The following BMP1 variants were observed in gnomAD, a reference collection of about 807,000 sequenced individuals.
BMP1 encodes mammalian tolloid protein.
In BMP1, 63 loss-of-function variants were observed where a neutral mutation model predicts 116.8. The observed-to-expected ratio is 0.54, with a 90% confidence interval of 0.44 to 0.67. The LOEUF (loss-of-function observed/expected upper bound fraction) is 0.67. BMP1 is among the 30% of genes least tolerant of loss of function. BMP1 has a pLI of 0.00. For missense variants in BMP1, 1,183 were observed against 1,358.9 expected, an observed-to-expected ratio of 0.87 and a Z score of 2.04; for synonymous variants, 536 against 533.4, an observed-to-expected ratio of 1.00 and a Z score of -0.07.
Position 22,180,744 on chromosome 8 carries a change from G to A in BMP1, c.1077+261G>A, listed in dbSNP as rs112689988. On this transcript the variant is annotated intron_variant, in intron 8 of 19. Coordinates refer to ENST00000306385, the MANE Select transcript of BMP1 (RefSeq NM_006129.5). ...TGTGTAGGTCTATTTTGATTATCTAGTTCTTCTTGGGTGATTTTCCTACAT... is the reference window on the plus strand; with the variant it reads ...TGTGTAGGTCTATTTTGATTATCTAATTCTTCTTGGGTGATTTTCCTACAT... 5.5e-3 allele frequency among the ~76,000 whole-genome samples: 835 copies of A among 151,878 alleles called. 12 individuals are homozygous for A. The highest frequency in any genetic ancestry group is 0.019 in the African/African-American group (800 of 41,404).
intron 4 of BMP1, 36 bp from the exon 5 acceptor site, chr8:22,176,925 T>C (rs568676735): frequency 6.6e-7 from 1 of 1,518,556 alleles, no homozygotes. Context: ...CTCCCCCAGC[T>C]CGGGACCGCC....
intron 13 of BMP1, chr8:22,196,376 C>A: frequency 1.7e-6 from 1 of 593,856 alleles, no homozygotes; most frequent in East Asian, 3.3e-5. Context: ...ACTGCTTTCC[C>A]TGAGCCCCTT....
chr8:22,188,570 C>T (rs916383992), intron 8 of BMP1, among the ~76,000 whole-genome samples: 4 of 152,226 alleles, frequency 2.6e-5, no homozygotes, highest in Admixed American at 2.6e-4. Flanking sequence ...TTTTCTCTGG[C>T]AAAGGGCATT....
chr8:22,200,981 G>T (rs1356895745), intron 15 of BMP1: 1 of 412,120 alleles, frequency 2.4e-6, no homozygotes, highest in South Asian at 2.0e-5. Context: ...ATGTGTGTCC[G>T]CCTGCCCTCC....
intron 8 of BMP1, among the ~76,000 whole-genome samples, chr8:22,181,680 G>C (rs1828626243): frequency 6.6e-6 from 1 of 152,028 alleles, no homozygotes; most frequent in African/African-American, 2.4e-5. Context: ...AGCCTCTGGA[G>C]TAGCTGGGAC....
chr8:22,212,039 C>A lies in BMP1; in HGVS notation c.*311C>A. ...AGAGGGAATGTCAGCAGGACCCCAT[C>A]GCCATCCCTGTGTCTCTACACGCTG... On this transcript the variant is annotated 3_prime_UTR_variant, in exon 20 of 20. Coordinates refer to ENST00000306385, the MANE Select transcript of BMP1 (RefSeq NM_006129.5). 2.4e-6 allele frequency: 1 copy of A among 420,340 alleles called. No homozygotes were observed. The highest frequency in any genetic ancestry group is 2.9e-5 in the South Asian group (1 of 34,398). 26.0% of individuals were successfully genotyped at this position (420,340 alleles called of 1,614,324 possible).
chr8:22,179,875 G>A lies in BMP1; in HGVS notation c.961+46G>A, dbSNP rs1380589496. On this transcript the variant is annotated intron_variant, in intron 7 of 19. Coordinates refer to ENST00000306385, the MANE Select transcript of BMP1 (RefSeq NM_006129.5). This position sits in a 1 kb window ranked among gnomAD's most constrained non-coding sequence, Gnocchi z 4.6. ...GGTGAGGGCGTGGAGGGCAGGGCCT[G>A]AGGGAGGCAGAGGCCAGGTGCCTGG... 1.9e-6 allele frequency: 3 copies of A among 1,564,272 alleles called. No individual in the cohort carries two copies. Among genetic ancestry groups the A allele is most frequent in the Admixed American group, 3.6e-5 (2 of 55,658 alleles).
At chr8:22,172,468 G>A (rs1828307763) in intron 1 of BMP1, among the ~76,000 whole-genome samples, 1 of 151,744 alleles carries the variant, frequency 6.6e-6, no homozygotes, top group Non-Finnish European at 1.5e-5. Context: ...CTTTCTGCTT[G>A]GGCAGCCTAA....
At position 22,179,951 on chromosome 8, in the gene BMP1, G is replaced by A. The variant is rs1417218296; in HGVS notation, c.961+122G>A. 8 of 1,163,364 alleles carry A rather than the reference G, an allele frequency of 6.9e-6. No individual in the cohort carries two copies. Among genetic ancestry groups the A allele is most frequent in the African/African-American group, 1.6e-5 (1 of 64,380 alleles). The allele number at this position is 1,163,364 out of a possible 1,614,324, so 72.1% of individuals were successfully genotyped here. On this transcript the variant is annotated intron_variant, in intron 7 of 19. Transcript: ENST00000306385. This position sits in a 1 kb window ranked among gnomAD's most constrained non-coding sequence, Gnocchi z 4.6. ...AGTCTTAGAGAATGGTGTGGCGGGGGAGGGGACCCCATAGGAGGGGCAGTG... is the reference window on the plus strand; with the variant it reads ...AGTCTTAGAGAATGGTGTGGCGGGGAAGGGGACCCCATAGGAGGGGCAGTG...
intron 1 of BMP1, among the ~76,000 whole-genome samples, chr8:22,166,178 G>C (rs1210683754): frequency 6.6e-6 from 1 of 152,088 alleles, no homozygotes; most frequent in African/African-American, 2.4e-5. Context: ...GGAGACAGCT[G>C]TCAAAGTCAG....
At chr8:22,198,914 G>T (rs996876563) in intron 15 of BMP1, 11 of 1,204,796 alleles carry the variant, frequency 9.1e-6, no homozygotes, top group Non-Finnish European at 1.2e-5. Context: ...CTCCTAAGAG[G>T]TGCTCACCAG....
At chr8:22,195,725 T>A in intron 13 of BMP1, 138 bp downstream of exon 13, 1 of 1,233,854 alleles carries the variant, frequency 8.1e-7, no homozygotes. Flanking sequence ...TAGCTCACCA[T>A]AGCCTCCCAT....
chr8:22,209,906 C>A (rs1401588220), intron 19 of BMP1, among the ~76,000 whole-genome samples: 1 of 152,284 alleles, frequency 6.6e-6, no homozygotes, highest in Non-Finnish European at 1.5e-5. Flanking sequence ...GAAACCAAGT[C>A]CTTTCTGGGC....
intron 2 of BMP1, among the ~76,000 whole-genome samples, chr8:22,175,115 G>C (rs1828394835): frequency 6.6e-6 from 1 of 152,204 alleles, no homozygotes; most frequent in South Asian, 2.1e-4. Flanking sequence ...ACCTTAGTGG[G>C]GACTAGTAGG....
At chr8:22,209,306 G>A (rs1366015652) in intron 18 of BMP1, 139 bp from the exon 19 acceptor site, 3 of 1,407,624 alleles carry the variant, frequency 2.1e-6, no homozygotes, top group Admixed American at 2.5e-5. Flanking sequence ...TCTGGGCCAG[G>A]CCCCCACCCA....
chr8:22,175,678 G>C (rs915144846), intron 2 of BMP1, among the ~76,000 whole-genome samples: 1 of 152,152 alleles, frequency 6.6e-6, no homozygotes, highest in African/African-American at 2.4e-5. Flanking sequence ...TCTAACTCAT[G>C]CCTCGAAGAA....
chr8:22,206,758 G>C, intron 16 of BMP1, 96 bp from the exon 17 acceptor site: 4 of 1,538,188 alleles, frequency 2.6e-6, no homozygotes, highest in Non-Finnish European at 3.5e-6. Context: ...AGAGATGGAA[G>C]AAAGGAGGGG....
intron 12 of BMP1, 109 bp downstream of exon 12, chr8:22,195,028 G>A: frequency 1.6e-6 from 2 of 1,239,086 alleles, no homozygotes; most frequent in East Asian, 2.4e-5. Context: ...ATACCAGTGA[G>A]ACCCCAGGGC....
Position 22,209,630 on chromosome 8 carries a change from T to G in BMP1, c.2761T>G (p.Tyr921Asp), listed in dbSNP as rs1829425322. ...GGAGGAGACCGACTGCGGCTATGAC[T>G]ACATGGAGCTCTTCGACGGCTACGA... Reference protein sequence around the residue: ...VEEETDCGYDYMELFDGYDST... With the variant: ...VEEETDCGYDDMELFDGYDST... Residue 921 changes from tyrosine (Y) to aspartate (D), a missense_variant, in exon 19 of 20, where the codon TAC (tyrosine) becomes GAC (aspartate). By Grantham distance (160) the Tyr-to-Asp change is radical. Coordinates refer to ENST00000306385, the MANE Select transcript of BMP1 (RefSeq NM_006129.5). The G allele has an allele frequency of 6.2e-7, 1 of 1,613,974 alleles. No individual in the cohort carries two copies. Among genetic ancestry groups the G allele is most frequent in the Non-Finnish European group, 8.5e-7 (1 of 1,179,998 alleles).
Sources: allele counts gnomAD v4.1 joint callset (sites outside exome capture counted in the v4.1 genomes callset), GRCh38; gene constraint gnomAD v4.1.1; non-coding constraint Gnocchi (gnomAD v3.1); transcripts MANE v1.5; gene names NCBI Gene and HGNC (gene_info 2026-07-23, HGNC 2026-07-21).